Variants in JCAD observed in about 807,000 individuals in gnomAD.
JCAD encodes junctional cadherin 5 associated.
Under a neutral mutation model 98.0 loss-of-function variants are expected in JCAD, and 40 were observed. That is an observed-to-expected ratio of 0.41 (90% CI 0.32 to 0.53). JCAD has a LOEUF of 0.53. Among genes scored for constraint, JCAD ranks in the 20% least tolerant of loss-of-function variants. The probability of loss-of-function intolerance (pLI) is 0.31; values close to 1 mark genes in which losing one functional copy is unlikely to be tolerated. For missense variants in JCAD, 1,705 were observed against 1,738.1 expected, an observed-to-expected ratio of 0.98 and a Z score of 0.34; for synonymous variants, 691 against 682.3, an observed-to-expected ratio of 1.01 and a Z score of -0.20.
Position 30,028,414 on chromosome 10 carries a change from A to G in JCAD, c.1734T>C (p.Thr578=). The G allele has an allele frequency of 6.2e-7, 1 of 1,614,156 alleles. No homozygotes were observed. Among genetic ancestry groups the G allele is most frequent in the Admixed American group, 1.7e-5 (1 of 60,030 alleles). Residue 578 remains threonine (T), a synonymous_variant, in exon 3 of 4, where the codon ACT becomes ACC. Coordinates refer to ENST00000375377, the MANE Select transcript of JCAD (RefSeq NM_020848.4). ...CTGGGATAGAAACCAAGCAAAATAT[A>G]GTCTCGTTCATTTTTTTCTTTGAAC... ...KKSSKKKMNE[T]IFCLVSIPVK... is the part of the protein sequence containing the mutation.
chr10:30,096,212 G>A (rs1436680837), intron 1 of JCAD, among the ~76,000 whole-genome samples: 1 of 152,146 alleles, frequency 6.6e-6, no homozygotes, highest in Non-Finnish European at 1.5e-5. Context: ...CGCCCCAGGT[G>A]CTGGGGACAG....
intron 2 of JCAD, among the ~76,000 whole-genome samples, chr10:30,034,989 C>T (rs1039626491): frequency 7.2e-5 from 11 of 152,154 alleles, no homozygotes; most frequent in African/African-American, 2.2e-4. Context: ...GTCCTGTGAA[C>T]GCTTTCCTGG....
chr10:30,052,965 A>G (rs1257250679), intron 1 of JCAD, among the ~76,000 whole-genome samples: 1 of 152,212 alleles, frequency 6.6e-6, no homozygotes, highest in Non-Finnish European at 1.5e-5. Context: ...CATTAAATCA[A>G]CCAGAACTTT....
At chr10:30,072,381 C>T (rs1456043647) in intron 1 of JCAD, among the ~76,000 whole-genome samples, 1 of 152,222 alleles carries the variant, frequency 6.6e-6, no homozygotes, top group Non-Finnish European at 1.5e-5. Context: ...TTAGGCACTA[C>T]ATCTCCTCTA....
chr10:30,013,902 C>G lies in JCAD; in HGVS notation c.*3981G>C, dbSNP rs895689933. Reference sequence around the variant, plus strand: ...GAGCCTTGGCTGCCTTCCCACACTGCTGATGAACCAAGGACTGTTTCGACA... The same window carrying G: ...GAGCCTTGGCTGCCTTCCCACACTGGTGATGAACCAAGGACTGTTTCGACA... On this transcript the variant is annotated 3_prime_UTR_variant, in exon 4 of 4. Coordinates refer to ENST00000375377, the MANE Select transcript of JCAD (RefSeq NM_020848.4). 2 of 152,268 alleles carry G rather than the reference C, an allele frequency of 1.3e-5. No individual in the cohort carries two copies. Among genetic ancestry groups the G allele is most frequent in the Non-Finnish European group, 2.9e-5 (2 of 68,072 alleles). The allele number at this position is 152,268 out of a possible 1,614,324, so 9.4% of individuals were successfully genotyped here.
chr10:30,018,665 G>C (rs1299051658), intron 3 of JCAD, among the ~76,000 whole-genome samples: 19 of 152,106 alleles, frequency 1.2e-4, no homozygotes, highest in Non-Finnish European at 2.5e-4. Context: ...GCTGCTGCTG[G>C]GTGCTGCCAA....
At chr10:30,021,479 G>T (rs566883787) in intron 3 of JCAD, among the ~76,000 whole-genome samples, 46 of 152,224 alleles carry the variant, frequency 3.0e-4, no homozygotes, top group Non-Finnish European at 5.3e-4. Flanking sequence ...ATCATGAGCC[G>T]CCATGCCCAA....
At chr10:30,098,233 T>A (rs547534046) in intron 1 of JCAD, among the ~76,000 whole-genome samples, 1 of 152,320 alleles carries the variant, frequency 6.6e-6, no homozygotes, top group African/African-American at 2.4e-5. Flanking sequence ...GTTCTCTAGC[T>A]AGGCTGATCG....
intron 1 of JCAD, among the ~76,000 whole-genome samples, chr10:30,094,086 G>A (rs1362526751): frequency 6.6e-6 from 1 of 152,138 alleles, no homozygotes; most frequent in Non-Finnish European, 1.5e-5. Context: ...GGTTGATAAA[G>A]GGAAATCATT....
rs770150350 is a variant in JCAD, at chr10:30,027,025, T to C, written c.3123A>G (p.Arg1041=). The change falls in exon 3 of 4, where the codon CGA becomes CGG. Residue 1041 remains arginine, a synonymous_variant. Coordinates refer to ENST00000375377, the MANE Select transcript of JCAD (RefSeq NM_020848.4). ...GLPLSLSNKN[R]GLSAPDLRSV... The stretch of plus-strand genomic sequence containing the variant: ...ACCGTAAGTCTGGAGCTGAGAGCCC[T>C]CGGTTCTTGTTAGACAGGGACAGTG... 1.7e-5 allele frequency: 27 copies of C among 1,614,086 alleles called. No homozygotes were observed. The Admixed American group carries it at 4.5e-4, about 27-fold the overall frequency.
intron 1 of JCAD, among the ~76,000 whole-genome samples, chr10:30,057,717 C>T (rs999198715): frequency 5.9e-5 from 9 of 152,174 alleles, no homozygotes; most frequent in African/African-American, 1.9e-4. Context: ...CAAATATTTG[C>T]TCGCCCACTC....
chr10:30,041,972 C>CTGTG (rs140594644), intron 2 of JCAD, among the ~76,000 whole-genome samples: 2 of 151,816 alleles, frequency 1.3e-5, no homozygotes, highest in Non-Finnish European at 2.9e-5. Flanking sequence ...CTTCCTCTTA[C>CTGTG]TGTGTGTGTG....
In JCAD at chr10:30,026,421, A is replaced by G; in HGVS notation, c.3727T>C (p.Leu1243=). The change falls in exon 3 of 4, where the codon TTA becomes CTA. Residue 1243 remains leucine (L), a synonymous_variant. Coordinates refer to ENST00000375377, the MANE Select transcript of JCAD (RefSeq NM_020848.4). ...LRSPSKVIES[L]QEKLASPPRR... is the part of the protein sequence containing the mutation. ...GGCGGGGAGGCCAGTTTCTCTTGTA[A>G]ACTTTCAATCACTTTGGAAGGGCTT... The G allele has an allele frequency of 6.2e-7, 1 of 1,614,196 alleles. No individual in the cohort carries two copies. Among genetic ancestry groups the G allele is most frequent in the Non-Finnish European group, 8.5e-7 (1 of 1,180,032 alleles).
In JCAD at chr10:30,015,513, A is replaced by C. The variant is rs1836515169; in HGVS notation, c.*2370T>G. 6.6e-6 allele frequency: 1 copy of C among 152,246 alleles called. No homozygotes were observed. Among genetic ancestry groups the C allele is most frequent in the Non-Finnish European group, 1.5e-5 (1 of 68,036 alleles). 9.4% of individuals were successfully genotyped at this position (152,246 alleles called of 1,614,324 possible). On this transcript the variant is annotated 3_prime_UTR_variant, in exon 4 of 4. Transcript: ENST00000375377. ...TTAAATTTAGAACAGTTAAAGTATAAATGTTGAAAATTTCAACTTAATTCA... is the reference window on the plus strand; with the variant it reads ...TTAAATTTAGAACAGTTAAAGTATACATGTTGAAAATTTCAACTTAATTCA...
intron 2 of JCAD, among the ~76,000 whole-genome samples, chr10:30,066,436 T>C (rs1052488681): frequency 6.6e-6 from 1 of 152,222 alleles, no homozygotes; most frequent in Admixed American, 6.5e-5. Flanking sequence ...TGCTGTTTAC[T>C]AGTGGTAGAA....
intron 1 of JCAD, among the ~76,000 whole-genome samples, chr10:30,050,314 C>CAAAAAAAAAAAAAAAAAA (rs61421356): frequency 2.4e-5 from 1 of 41,762 alleles, no homozygotes; most frequent in Non-Finnish European, 5.3e-5. Context: ...GACCCTGTCT[C>CAAAAAAAAAAAAAAAAAA]AAAAAAAAAA....
At chr10:30,102,195 C>G (rs905331030) in intron 1 of JCAD, among the ~76,000 whole-genome samples, 5 of 152,022 alleles carry the variant, frequency 3.3e-5, no homozygotes, top group Admixed American at 3.3e-4. Context: ...TTGAGACAAA[C>G]TCTTGCTCTG....
chr10:30,098,909 G>T (rs1211989098), intron 1 of JCAD, among the ~76,000 whole-genome samples: 1 of 152,064 alleles, frequency 6.6e-6, no homozygotes, highest in East Asian at 1.9e-4. Context: ...CACATCTGTG[G>T]TTCTTTTCTT....
At chr10:30,047,242 C>G (rs1022804106) in intron 2 of JCAD, among the ~76,000 whole-genome samples, 1 of 152,156 alleles carries the variant, frequency 6.6e-6, no homozygotes, top group Non-Finnish European at 1.5e-5. Context: ...TGTGGTGGCA[C>G]ATGCCTGTAA....
Sources: allele counts gnomAD v4.1 joint callset (sites outside exome capture counted in the v4.1 genomes callset), GRCh38; gene constraint gnomAD v4.1.1; transcripts MANE v1.5; gene names NCBI Gene and HGNC (gene_info 2026-07-23, HGNC 2026-07-21).